TNR: variants seen among roughly 807,000 people sequenced by gnomAD.
TNR encodes the protein tenascin R.
TNR carries 45 observed loss-of-function variants against 150.4 expected under a neutral mutation model. The observed-to-expected ratio is 0.30, with a 90% CI of 0.24 to 0.38. The LOEUF is 0.38. Among genes scored for constraint, TNR ranks in the 10% least tolerant of loss-of-function variants. TNR has a pLI of 1.00. For missense variants in TNR, 1,544 were observed against 1,759.1 expected, an observed-to-expected ratio of 0.88 and a Z score of 2.19; for synonymous variants, 687 against 678.4, an observed-to-expected ratio of 1.01 and a Z score of -0.20.
chr1:175,621,339 C>T (rs1663969676), intron 1 of TNR, among the ~76,000 whole-genome samples: 1 of 152,184 alleles, frequency 6.6e-6, no homozygotes, highest in Non-Finnish European at 1.5e-5. Context: ...AAATCCTTAC[C>T]TTGAATTCCC....
intron 2 of TNR, among the ~76,000 whole-genome samples, chr1:175,415,901 T>C (rs1654418621): frequency 6.6e-6 from 1 of 152,086 alleles, no homozygotes; most frequent in South Asian, 2.1e-4. Context: ...ACAATACAAC[T>C]GGCAAGGCTG....
At chr1:175,643,049 C>T (rs529010072) in intron 1 of TNR, among the ~76,000 whole-genome samples, 40 of 152,198 alleles carry the variant, frequency 2.6e-4, no homozygotes, top group African/African-American at 9.4e-4. Context: ...ACTAGAGAAA[C>T]GTTAATAGAA....
At chr1:175,327,218 G>A (rs1649450679) in intron 21 of TNR, among the ~76,000 whole-genome samples, 1 of 151,914 alleles carries the variant, frequency 6.6e-6, no homozygotes. Flanking sequence ...TTCCACTGTC[G>A]CAGATTGCTC....
intron 1 of TNR, among the ~76,000 whole-genome samples, chr1:175,664,391 A>C (rs1184087401): frequency 2.6e-5 from 4 of 152,226 alleles, no homozygotes; most frequent in African/African-American, 9.7e-5. Context: ...GGTGCGATAC[A>C]TGTGTGAATG....
chr1:175,357,839 C>G (rs1489724265), intron 15 of TNR, among the ~76,000 whole-genome samples: 2 of 152,104 alleles, frequency 1.3e-5, no homozygotes, highest in Admixed American at 1.3e-4. Flanking sequence ...GATGAGAGCT[C>G]AATTTTTGTT....
intron 2 of TNR, among the ~76,000 whole-genome samples, chr1:175,422,637 A>G (rs1244312379): frequency 1.3e-5 from 2 of 152,178 alleles, no homozygotes; most frequent in Non-Finnish European, 2.9e-5. Flanking sequence ...TCTCTCACTG[A>G]TAGCTCCAGG....
intron 2 of TNR, among the ~76,000 whole-genome samples, chr1:175,418,579 G>A (rs1200947743): frequency 6.6e-6 from 1 of 152,154 alleles, no homozygotes; most frequent in Non-Finnish European, 1.5e-5. Flanking sequence ...AAAATTAGTT[G>A]GGCGTGGTGG....
chr1:175,524,752 C>G (rs1281048588), intron 2 of TNR, among the ~76,000 whole-genome samples: 3 of 152,226 alleles, frequency 2.0e-5, no homozygotes, highest in African/African-American at 7.2e-5. Flanking sequence ...GTTGATGCAT[C>G]CAATGCCATT....
At chr1:175,578,563 GGA>G (rs879889966) in intron 1 of TNR, among the ~76,000 whole-genome samples, 1 of 152,158 alleles carries the variant, frequency 6.6e-6, no homozygotes, top group Non-Finnish European at 1.5e-5. Flanking sequence ...GGAACAGTGG[GGA>G]GAGAGATGAA....
At chr1:175,427,989 G>A (rs1483669632) in intron 2 of TNR, among the ~76,000 whole-genome samples, 3 of 151,484 alleles carry the variant, frequency 2.0e-5, no homozygotes, top group Non-Finnish European at 4.4e-5. Context: ...CAGCAGAATG[G>A]GTTTCGGATT....
intron 1 of TNR, among the ~76,000 whole-genome samples, chr1:175,643,449 C>G (rs1260347250): frequency 1.3e-5 from 2 of 152,192 alleles, no homozygotes; most frequent in Non-Finnish European, 2.9e-5. Flanking sequence ...TGGAGATTTC[C>G]ATGGCCTGTT....
intron 1 of TNR, among the ~76,000 whole-genome samples, chr1:175,715,859 C>G (rs1207324308): frequency 6.6e-6 from 1 of 152,214 alleles, no homozygotes; most frequent in African/African-American, 2.4e-5. Context: ...CTCAGATTCT[C>G]TGTCAGAACA....
intron 2 of TNR, among the ~76,000 whole-genome samples, chr1:175,487,978 G>T (rs1396790169): frequency 2.0e-5 from 3 of 152,168 alleles, no homozygotes; most frequent in Non-Finnish European, 2.9e-5. Context: ...GTGTGCTCAG[G>T]TGGGCCTTGG....
chr1:175,552,429 C>T (rs1660981325), intron 1 of TNR, among the ~76,000 whole-genome samples: 1 of 152,188 alleles, frequency 6.6e-6, no homozygotes, highest in Admixed American at 6.5e-5. Flanking sequence ...ATGGTGCTGT[C>T]CAGTTTACAA....
chr1:175,742,203 CT>C (rs1415735618), intron 1 of TNR, among the ~76,000 whole-genome samples: 1 of 152,154 alleles, frequency 6.6e-6, no homozygotes. Flanking sequence ...AGAGTAATAC[CT>C]TGCAAAAAGT....
intron 4 of TNR, among the ~76,000 whole-genome samples, 194 bp downstream of exon 4, chr1:175,402,944 CTT>C (rs1244377209): frequency 6.6e-6 from 1 of 152,318 alleles, no homozygotes; most frequent in Non-Finnish European, 1.5e-5. Context: ...TATTTCCACT[CTT>C]TATCCCTTTT....
chr1:175,376,879 T>TGTATAC (rs144245333), intron 9 of TNR, among the ~76,000 whole-genome samples: 1 of 146,534 alleles, frequency 6.8e-6, no homozygotes, highest in African/African-American at 2.5e-5. Flanking sequence ...TATATATATA[T>TGTATAC]ACACATATAT....
chr1:175,671,504 A>T (rs935637006), intron 1 of TNR, among the ~76,000 whole-genome samples: 1 of 152,196 alleles, frequency 6.6e-6, no homozygotes, highest in Non-Finnish European at 1.5e-5. Context: ...CTGAATGGGT[A>T]TGGTGATGCC....
intron 2 of TNR, among the ~76,000 whole-genome samples, chr1:175,429,269 A>C (rs941691010): frequency 5.3e-5 from 8 of 152,212 alleles, no homozygotes; most frequent in African/African-American, 1.9e-4. Context: ...ATTAAGATAG[A>C]TATAGATGTA....
Sources: gnomAD v4.1 joint callset for allele counts (sites outside exome capture counted in the v4.1 genomes callset) on GRCh38, gnomAD v4.1.1 for gene constraint, MANE v1.5 for transcripts, NCBI Gene and HGNC (gene_info 2026-07-23, HGNC 2026-07-21) for gene names.